IL1RAPL2: variants seen among roughly 807,000 people sequenced by gnomAD.
IL1RAPL2 encodes interleukin 1 receptor accessory protein like 2.
Under a neutral mutation model 44.1 loss-of-function variants are expected in IL1RAPL2, and 3 were observed. That is an observed-to-expected ratio of 0.07 (90% CI 0.03 to 0.18). The LOEUF (loss-of-function observed/expected upper bound fraction) is 0.18, where lower values mean the gene tolerates loss of function less well. Among genes scored for constraint, IL1RAPL2 ranks in the 10% least tolerant of loss-of-function variants. IL1RAPL2 has a pLI of 1.00. For missense variants in IL1RAPL2, 391 were observed against 496.4 expected (o/e 0.79, Z 2.02); for synonymous variants, 181 against 178.8 (o/e 1.01, Z -0.10).
intron 2 of IL1RAPL2, among the ~76,000 whole-genome samples, chrX:104,891,301 T>A (rs1213501958): frequency 1.8e-5 from 2 of 112,140 alleles, no homozygotes; most frequent in African/African-American, 6.5e-5. Context: ...TGGTTCCATA[T>A]GAACTTTAAA....
At chrX:105,217,722 T>G in intron 3 of IL1RAPL2, among the ~76,000 whole-genome samples, 1 of 112,001 alleles carries the variant, frequency 8.9e-6, no homozygotes. Context: ...AATGATAGAC[T>G]GGATTAAGAA....
At chrX:104,760,567 C>T (rs913995365) in intron 2 of IL1RAPL2, among the ~76,000 whole-genome samples, 1 of 111,847 alleles carries the variant, frequency 8.9e-6, no homozygotes, top group African/African-American at 3.2e-5. Context: ...CCCTACTTGC[C>T]ATTTGTACGT....
chrX:105,641,340 A>G (rs899543975), intron 6 of IL1RAPL2, among the ~76,000 whole-genome samples: 1 of 111,404 alleles, frequency 9.0e-6, no homozygotes, highest in Non-Finnish European at 1.9e-5. Context: ...TCTGCTAGGT[A>G]AGGGGTACAG....
intron 9 of IL1RAPL2, among the ~76,000 whole-genome samples, chrX:105,750,426 A>G (rs1372770374): frequency 1.0e-5 from 1 of 100,425 alleles, no homozygotes; most frequent in African/African-American, 3.8e-5. Context: ...GGTGCATGCC[A>G]CCATGCCTGG....
chrX:105,249,399 T>C (rs2147646113), intron 4 of IL1RAPL2, among the ~76,000 whole-genome samples: 1 of 111,018 alleles, frequency 9.0e-6, no homozygotes, highest in East Asian at 2.8e-4. Context: ...TACAAAAAAA[T>C]AGTTAGGAAA....
intron 5 of IL1RAPL2, among the ~76,000 whole-genome samples, chrX:105,370,399 C>T (rs2035328662): frequency 9.0e-6 from 1 of 111,041 alleles, no homozygotes; most frequent in Non-Finnish European, 1.9e-5. Context: ...CAAATAGGCC[C>T]TGGTGTCTAT....
chrX:105,703,615 G>T (rs2038138988), intron 6 of IL1RAPL2, among the ~76,000 whole-genome samples: 1 of 111,721 alleles, frequency 9.0e-6, no homozygotes, highest in African/African-American at 3.2e-5. Flanking sequence ...ATTTAAAACT[G>T]TGCCCTCTAT....
intron 2 of IL1RAPL2, among the ~76,000 whole-genome samples, chrX:104,949,035 A>G (rs1054140765): frequency 9.1e-6 from 1 of 110,043 alleles, no homozygotes; most frequent in African/African-American, 3.3e-5. Context: ...TCAGCTGTGA[A>G]TCCATCTCGT....
chrX:104,607,708 TC>T lies in IL1RAPL2; in HGVS notation c.-20+40658del, dbSNP rs772887254. 3.6e-5 allele frequency among the ~76,000 whole-genome samples: 4 copies of T among 111,254 alleles called. No homozygotes were observed. The East Asian group carries it at 1.1e-3, about 32-fold the overall frequency. On this transcript the variant is annotated intron_variant, in intron 1 of 10. Coordinates refer to ENST00000372582, the MANE Select transcript of IL1RAPL2 (RefSeq NM_017416.2). ...ATACCATCTCACGCCAGTTAGGCAATCATCAAAAAGTCAGGAAAAAAAAGAT... is the reference window on the plus strand; with the variant it reads ...ATACCATCTCACGCCAGTTAGGCAATATCAAAAAGTCAGGAAAAAAAAGAT...
chrX:105,129,073 C>G (rs994115923), intron 2 of IL1RAPL2, among the ~76,000 whole-genome samples: 1 of 111,219 alleles, frequency 9.0e-6, no homozygotes, highest in African/African-American at 3.3e-5. Context: ...TTTTTAGTCT[C>G]TAATAACTTA....
At chrX:105,564,124 T>G (rs1176776847) in intron 6 of IL1RAPL2, among the ~76,000 whole-genome samples, 1 of 111,146 alleles carries the variant, frequency 9.0e-6, no homozygotes, top group African/African-American at 3.3e-5. Flanking sequence ...GGCAAACAAG[T>G]TCTCTCAGGC....
chrX:104,589,647 T>C lies in IL1RAPL2; in HGVS notation c.-20+22596T>C, dbSNP rs147502674. Reference sequence around the variant, plus strand: ...CGACATGTAGGCATAACCTTATCTCTTAATACCATTTGATTTTATGATGTC... The same window carrying C: ...CGACATGTAGGCATAACCTTATCTCCTAATACCATTTGATTTTATGATGTC... On this transcript the variant is annotated intron_variant, in intron 1 of 10. Coordinates refer to ENST00000372582, the MANE Select transcript of IL1RAPL2 (RefSeq NM_017416.2). Among the ~76,000 whole-genome samples, 27 of 112,556 alleles carry C rather than the reference T, an allele frequency of 2.4e-4. 1 individual carries two copies. The East Asian group carries it at 5.0e-3, about 21-fold the overall frequency.
chrX:104,892,028 C>G (rs937136106), intron 2 of IL1RAPL2, among the ~76,000 whole-genome samples: 2 of 111,480 alleles, frequency 1.8e-5, no homozygotes, highest in African/African-American at 6.5e-5. Flanking sequence ...TTGTGACAGG[C>G]CTTTTCTGCA....
At chrX:105,363,305 TA>T (rs2035265539) in intron 5 of IL1RAPL2, among the ~76,000 whole-genome samples, 5 of 77,818 alleles carry the variant, frequency 6.4e-5, no homozygotes, top group African/African-American at 9.3e-5. Context: ...TATATATATA[TA>T]TAATATATAT....
intron 6 of IL1RAPL2, among the ~76,000 whole-genome samples, chrX:105,660,373 A>G (rs1037340211): frequency 4.5e-5 from 5 of 111,546 alleles, no homozygotes; most frequent in African/African-American, 1.6e-4. Context: ...AGAAATGCTA[A>G]AGAGAGTTAT....
intron 2 of IL1RAPL2, among the ~76,000 whole-genome samples, chrX:104,833,509 G>A (rs1033786457): frequency 9.0e-6 from 1 of 110,855 alleles, no homozygotes; most frequent in African/African-American, 3.3e-5. Context: ...TTTTTAAAGC[G>A]AGCCTTCTGA....
At chrX:105,708,543 A>T (rs2038183341) in intron 6 of IL1RAPL2, among the ~76,000 whole-genome samples, 1 of 111,877 alleles carries the variant, frequency 8.9e-6, no homozygotes, top group African/African-American at 3.2e-5. Flanking sequence ...ACTTTTGATG[A>T]TACAGAAGTT....
intron 1 of IL1RAPL2, among the ~76,000 whole-genome samples, chrX:104,635,247 C>A (rs1235226099): frequency 9.0e-6 from 1 of 111,528 alleles, no homozygotes; most frequent in Non-Finnish European, 1.9e-5. Context: ...TGTGGGCAAC[C>A]CGACCTTTCT....
chrX:104,930,917 G>A (rs1037241267), intron 2 of IL1RAPL2, among the ~76,000 whole-genome samples: 4 of 111,350 alleles, frequency 3.6e-5, no homozygotes, highest in African/African-American at 6.5e-5. Context: ...CTAGTAAGTA[G>A]TAGAGACAGG....
Sources: gnomAD v4.1 joint callset for allele counts (sites outside exome capture counted in the v4.1 genomes callset) on GRCh38, gnomAD v4.1.1 for gene constraint, MANE v1.5 for transcripts, NCBI Gene and HGNC (gene_info 2026-07-23, HGNC 2026-07-21) for gene names.